IL1RAPL2: variants seen among roughly 807,000 people sequenced by gnomAD.
The protein encoded by IL1RAPL2 is X-linked interleukin-1 receptor accessory protein-like 2.
In IL1RAPL2, 3 loss-of-function variants were observed where a neutral mutation model predicts 44.1. The ratio of observed to expected loss-of-function variants is 0.07; its 90% CI spans 0.03 to 0.18. The LOEUF (loss-of-function observed/expected upper bound fraction) is 0.18. Ranked by LOEUF, IL1RAPL2 falls within the 10% of genes least tolerant of loss-of-function variation. The pLI, the probability that IL1RAPL2 is intolerant of heterozygous loss-of-function variation, is 1.00. For missense variants in IL1RAPL2, 391 were observed against 496.4 expected (o/e 0.79, Z 2.02); for synonymous variants, 181 against 178.8 (o/e 1.01, Z -0.10).
chrX:105,284,583 A>G (rs1434408445), intron 5 of IL1RAPL2, among the ~76,000 whole-genome samples: 1 of 112,129 alleles, frequency 8.9e-6, no homozygotes, highest in Non-Finnish European at 1.9e-5. Context: ...CAATGAAGGG[A>G]GAATAAAGCC....
chrX:105,054,573 A>C (rs2031969476), intron 2 of IL1RAPL2, among the ~76,000 whole-genome samples: 1 of 112,024 alleles, frequency 8.9e-6, no homozygotes, highest in Non-Finnish European at 1.9e-5. Flanking sequence ...TGTGCATACC[A>C]CCATGTCCAG....
chrX:105,437,331 C>T (rs1438037214), intron 5 of IL1RAPL2, among the ~76,000 whole-genome samples: 1 of 110,275 alleles, frequency 9.1e-6, no homozygotes, highest in Non-Finnish European at 1.9e-5. Context: ...AGCAATGCTA[C>T]AAACAGTGTA....
intron 2 of IL1RAPL2, among the ~76,000 whole-genome samples, chrX:104,814,513 A>G (rs1161110661): frequency 2.7e-5 from 3 of 112,348 alleles, no homozygotes; most frequent in Non-Finnish European, 5.6e-5. Context: ...CAGTTTAGCC[A>G]CTCAATGGAT....
At chrX:105,367,124 A>G (rs2035300763) in intron 5 of IL1RAPL2, among the ~76,000 whole-genome samples, 1 of 111,349 alleles carries the variant, frequency 9.0e-6, no homozygotes, top group Admixed American at 9.6e-5. Flanking sequence ...TAACATCCAC[A>G]TTATCTAATA....
intron 4 of IL1RAPL2, among the ~76,000 whole-genome samples, chrX:105,235,785 T>C (rs1230625747): frequency 8.9e-6 from 1 of 112,479 alleles, no homozygotes; most frequent in Non-Finnish European, 1.9e-5. Context: ...GATTTCAACA[T>C]TATCTTGTTT....
chrX:105,060,525 C>T (rs1162924314), intron 2 of IL1RAPL2, among the ~76,000 whole-genome samples: 2 of 107,807 alleles, frequency 1.9e-5, no homozygotes, highest in African/African-American at 6.7e-5. Flanking sequence ...GAGAATTTTG[C>T]ATCAATGTTT....
intron 2 of IL1RAPL2, among the ~76,000 whole-genome samples, chrX:105,022,640 A>C (rs189275383): frequency 1.1e-4 from 12 of 111,341 alleles, no homozygotes; most frequent in African/African-American, 3.6e-4. Context: ...CTTGTTAAAT[A>C]GGATGTGAGA....
chrX:104,703,222 C>T (rs1276702339), intron 2 of IL1RAPL2, among the ~76,000 whole-genome samples: 1 of 111,296 alleles, frequency 9.0e-6, no homozygotes, highest in Non-Finnish European at 1.9e-5. Context: ...TATCCAGTGC[C>T]GTCCTTCAAA....
Position 105,165,357 on chromosome X carries a change from A to G in IL1RAPL2, c.83-30118A>G, listed in dbSNP as rs755429866. On this transcript the variant is annotated intron_variant, in intron 2 of 10. Transcript: ENST00000372582. Reference sequence around the variant, plus strand: ...CCATGAGCCCTTTCCATAGTTCTCCACATGCAATCTCTTACAAGTCTGATC... The same window carrying G: ...CCATGAGCCCTTTCCATAGTTCTCCGCATGCAATCTCTTACAAGTCTGATC... Among the ~76,000 whole-genome samples the G allele has an allele frequency of 5.5e-4, 61 of 111,824 alleles. 1 individual carries two copies. The highest frequency in any genetic ancestry group is 1.7e-3 in the African/African-American group (52 of 30,805).
At chrX:104,716,694 G>C (rs1181555669) in intron 2 of IL1RAPL2, among the ~76,000 whole-genome samples, 1 of 111,415 alleles carries the variant, frequency 9.0e-6, no homozygotes, top group Admixed American at 9.6e-5. Context: ...CTGATTATTA[G>C]AGAAATGCAA....
chrX:104,883,782 C>T (rs1468343712), intron 2 of IL1RAPL2, among the ~76,000 whole-genome samples: 1 of 111,444 alleles, frequency 9.0e-6, no homozygotes, highest in Admixed American at 9.5e-5. Context: ...GGGGGGACTG[C>T]CTGGAATTTT....
At chrX:105,308,115 C>T (rs1029077300) in intron 5 of IL1RAPL2, among the ~76,000 whole-genome samples, 1 of 110,999 alleles carries the variant, frequency 9.0e-6, no homozygotes, top group Admixed American at 9.6e-5. Flanking sequence ...TGAGTTTATA[C>T]TCATACCTCC....
At chrX:105,489,855 C>G (rs2036302958) in intron 6 of IL1RAPL2, among the ~76,000 whole-genome samples, 2 of 94,672 alleles carry the variant, frequency 2.1e-5, no homozygotes. Flanking sequence ...TGAGATGAAG[C>G]CTTGCTCTGT....
At chrX:105,364,431 A>C (rs1162122679) in intron 5 of IL1RAPL2, among the ~76,000 whole-genome samples, 1 of 110,593 alleles carries the variant, frequency 9.0e-6, no homozygotes, top group Non-Finnish European at 1.9e-5. Flanking sequence ...TATGAATTTT[A>C]GGATTGTTTT....
At chrX:105,673,390 C>G (rs183743152) in intron 6 of IL1RAPL2, among the ~76,000 whole-genome samples, 89 of 111,195 alleles carry the variant, frequency 8.0e-4, no homozygotes, top group Non-Finnish European at 1.5e-3. Context: ...CATTGTTCTG[C>G]TACTACTTAT....
chrX:105,383,342 G>A (rs2035451935), intron 5 of IL1RAPL2, among the ~76,000 whole-genome samples: 1 of 111,180 alleles, frequency 9.0e-6, no homozygotes, highest in South Asian at 3.8e-4. Flanking sequence ...ATATATGAGT[G>A]AGAACGTACA....
At chrX:105,000,673 T>C (rs2030835190) in intron 2 of IL1RAPL2, among the ~76,000 whole-genome samples, 1 of 111,991 alleles carries the variant, frequency 8.9e-6, no homozygotes, top group Non-Finnish European at 1.9e-5. Context: ...GTAAAGGTTT[T>C]AAAACACTTT....
chrX:105,167,767 T>G (rs1363321807), intron 2 of IL1RAPL2, among the ~76,000 whole-genome samples: 1 of 110,129 alleles, frequency 9.1e-6, no homozygotes, highest in African/African-American at 3.3e-5. Context: ...AGAGATACCC[T>G]GTTTTGCCAT....
At chrX:104,618,771 A>G (rs1286400773) in intron 1 of IL1RAPL2, among the ~76,000 whole-genome samples, 3 of 111,342 alleles carry the variant, frequency 2.7e-5, no homozygotes, top group Non-Finnish European at 5.7e-5. Context: ...GGTTCTCTGA[A>G]TGCCTGGAGT....
Sources: gnomAD v4.1 joint callset for allele counts (sites outside exome capture counted in the v4.1 genomes callset) on GRCh38, gnomAD v4.1.1 for gene constraint, MANE v1.5 for transcripts, NCBI Gene and HGNC (gene_info 2026-07-23, HGNC 2026-07-21) for gene names.